Variants in CHLSN observed in about 807,000 individuals in gnomAD.
The protein encoded by CHLSN is cholesin.
the CHLSN span, among the ~76,000 whole-genome samples, chr7:1,030,574 A>T: frequency 9.9e-5 from 15 of 152,186 alleles, no homozygotes; most frequent in Non-Finnish European, 2.1e-4. Context: ...GCAAAGGTGG[A>T]CACATACCAG....
chr7:1,110,751 C>G, the CHLSN span, among the ~76,000 whole-genome samples: 1 of 151,770 alleles, frequency 6.6e-6, no homozygotes, highest in Non-Finnish European at 1.5e-5. Context: ...GATAAAGGCT[C>G]TTAGTTTAAG....
chr7:1,136,149 A>T, the CHLSN span, among the ~76,000 whole-genome samples: 1 of 91,992 alleles, frequency 1.1e-5, no homozygotes, highest in African/African-American at 4.4e-5. Context: ...TAAATATATA[A>T]ATATATATAC....
chr7:1,013,926 T>C, the CHLSN span, among the ~76,000 whole-genome samples: 1 of 152,368 alleles, frequency 6.6e-6, no homozygotes, highest in East Asian at 1.9e-4. Context: ...TGAAAATGCA[T>C]AAAACAATTC....
the CHLSN span, among the ~76,000 whole-genome samples, chr7:1,059,438 A>ACCGG: frequency 2.0e-5 from 3 of 151,700 alleles, no homozygotes; most frequent in Admixed American, 6.6e-5. Flanking sequence ...TGGGGCCCGG[A>ACCGG]CCGGCCTGTT....
chr7:1,127,282 G>T, the CHLSN span: 1 of 1,600,530 alleles, frequency 6.2e-7, no homozygotes, highest in Non-Finnish European at 8.5e-7. Flanking sequence ...TTCGCCACTT[G>T]GTGCAGCCTC....
At chr7:1,033,242 G>A in the CHLSN span, among the ~76,000 whole-genome samples, 1 of 152,224 alleles carries the variant, frequency 6.6e-6, no homozygotes, top group Non-Finnish European at 1.5e-5. Flanking sequence ...CACTCCAGAG[G>A]TGGAAGGCTC....
chr7:1,116,685 A>G, the CHLSN span, among the ~76,000 whole-genome samples: 4 of 48,346 alleles, frequency 8.3e-5, 1 homozygote, highest in Non-Finnish European at 1.1e-4. Flanking sequence ...GGATGATGAC[A>G]TCACTACAGC....
the CHLSN span, among the ~76,000 whole-genome samples, chr7:1,070,988 A>G: frequency 4.0e-5 from 6 of 150,286 alleles, no homozygotes; most frequent in Non-Finnish European, 6.0e-5. Flanking sequence ...GCACACGGGC[A>G]CACACACACG....
chr7:1,121,569 C>A, the CHLSN span, among the ~76,000 whole-genome samples: 1 of 152,248 alleles, frequency 6.6e-6, no homozygotes, highest in African/African-American at 2.4e-5. Flanking sequence ...AGCAGCAAAT[C>A]CAGAGCCTCT....
At chr7:990,641 G>A in the CHLSN span, among the ~76,000 whole-genome samples, 1 of 152,086 alleles carries the variant, frequency 6.6e-6, no homozygotes, top group Admixed American at 6.5e-5. Flanking sequence ...TACGGAGGCT[G>A]CTGCAAGGAC....
chr7:1,029,662 G>GACTCCC, the CHLSN span, among the ~76,000 whole-genome samples: 2 of 152,214 alleles, frequency 1.3e-5, no homozygotes, highest in Non-Finnish European at 2.9e-5. Flanking sequence ...GAGAGGCTTA[G>GACTCCC]ACTCCCTCTC....
At chr7:1,027,770 C>T in the CHLSN span, among the ~76,000 whole-genome samples, 3 of 152,268 alleles carry the variant, frequency 2.0e-5, no homozygotes, top group East Asian at 1.9e-4. Flanking sequence ...CAGGGAGGGG[C>T]GAGGCGGCGC....
the CHLSN span, among the ~76,000 whole-genome samples, chr7:994,899 TAA>T: frequency 6.6e-6 from 1 of 152,270 alleles, no homozygotes; most frequent in African/African-American, 2.4e-5. Context: ...ATGCCCACGC[TAA>T]GTTTGGCCCC....
chr7:1,112,225 T>C, the CHLSN span, among the ~76,000 whole-genome samples: 1 of 152,140 alleles, frequency 6.6e-6, no homozygotes, highest in Non-Finnish European at 1.5e-5. Context: ...TGGCCCAGAA[T>C]GAGGATGGTC....
the CHLSN span, among the ~76,000 whole-genome samples, chr7:1,072,299 C>T: frequency 3.3e-5 from 5 of 152,184 alleles, no homozygotes; most frequent in Admixed American, 6.5e-5. Flanking sequence ...GAGGAGGGCA[C>T]GGAAAACGTC....
the CHLSN span, chr7:1,058,058 G>C: frequency 2.6e-6 from 2 of 768,114 alleles, no homozygotes; most frequent in Non-Finnish European, 4.8e-6. Flanking sequence ...GCGCCAAGAT[G>C]CAGAACGCAG....
chr7:1,137,382 G>A, the CHLSN span: 640 of 152,538 alleles, frequency 4.2e-3, 3 homozygotes, highest in Middle Eastern at 0.041. Context: ...CTAGATCACA[G>A]ACTTGTCTCC....
At chr7:997,503 G>C in the CHLSN span, 2 of 859,736 alleles carry the variant, frequency 2.3e-6, no homozygotes, top group Non-Finnish European at 3.3e-6. Flanking sequence ...CGGAGGAGCT[G>C]AAAGCCCTTG....
the CHLSN span, among the ~76,000 whole-genome samples, chr7:1,014,792 G>A: frequency 2.6e-5 from 4 of 151,810 alleles, no homozygotes; most frequent in African/African-American, 9.7e-5. Flanking sequence ...TTGGCCGCCG[G>A]CCACGGCAGC....
Sources: allele counts gnomAD v4.1 joint callset (sites outside exome capture counted in the v4.1 genomes callset), GRCh38; gene constraint gnomAD v4.1.1; transcripts MANE v1.5; gene names NCBI Gene and HGNC (gene_info 2026-07-23, HGNC 2026-07-21).